Variants in ZNF441 observed in about 807,000 individuals in gnomAD.
The protein encoded by ZNF441 is zinc finger protein 441.
In ZNF441, 25 loss-of-function variants were observed where a neutral mutation model predicts 64.5. That is an observed-to-expected ratio of 0.39 (90% CI 0.28 to 0.54). The LOEUF (loss-of-function observed/expected upper bound fraction) is 0.54. Ranked by LOEUF, ZNF441 falls within the 20% of genes least tolerant of loss-of-function variation. ZNF441 has a pLI of 0.70. For missense variants in ZNF441, 715 were observed against 843.3 expected (o/e 0.85, Z 1.88); for synonymous variants, 262 against 268.0 (o/e 0.98, Z 0.22).
chr19:11,778,290 TATA>T (rs747941724), intron 2 of ZNF441, 37 bp from the exon 3 acceptor site: 8 of 1,312,056 alleles, frequency 6.1e-6, no homozygotes, highest in African/African-American at 4.5e-5. Flanking sequence ...TCTATAATTT[TATA>T]ATAATTTATA....
At chr19:11,777,773 G>T in intron 2 of ZNF441, 36 bp downstream of exon 2, 1 of 1,585,990 alleles carries the variant, frequency 6.3e-7, no homozygotes, top group Non-Finnish European at 8.6e-7. Flanking sequence ...TAGTCAATTA[G>T]AGACATTTGT....
At chr19:11,768,748 C>T (rs865814982) in intron 1 of ZNF441, among the ~76,000 whole-genome samples, 2 of 152,318 alleles carry the variant, frequency 1.3e-5, no homozygotes, top group South Asian at 4.1e-4. Context: ...TAAGCTACTT[C>T]CTTAGAACAC....
At chr19:11,774,747 C>T (rs1975341423) in intron 1 of ZNF441, among the ~76,000 whole-genome samples, 1 of 152,052 alleles carries the variant, frequency 6.6e-6, no homozygotes, top group East Asian at 1.9e-4. Context: ...TTCAATAAGT[C>T]TAATGTCTGA....
At chr19:11,777,543 G>A in intron 1 of ZNF441, 68 bp from the exon 2 acceptor site, 1 of 1,545,660 alleles carries the variant, frequency 6.5e-7, no homozygotes, top group Non-Finnish European at 8.8e-7. Flanking sequence ...TGAAGGTTAT[G>A]AAGTGAATTT....
At chr19:11,774,426 A>G (rs999018520) in intron 1 of ZNF441, among the ~76,000 whole-genome samples, 2 of 152,198 alleles carry the variant, frequency 1.3e-5, no homozygotes, top group Non-Finnish European at 2.9e-5. Flanking sequence ...CTAGCAAGAC[A>G]GTTGTATCAA....
At chr19:11,773,626 A>G (rs2145079604) in intron 1 of ZNF441, among the ~76,000 whole-genome samples, 1 of 152,216 alleles carries the variant, frequency 6.6e-6, no homozygotes, top group South Asian at 2.1e-4. Context: ...ATGTATTTTC[A>G]TGATCTGTGT....
chr19:11,778,711 G>A (rs138056843), intron 3 of ZNF441, among the ~76,000 whole-genome samples: 1 of 152,124 alleles, frequency 6.6e-6, no homozygotes, highest in East Asian at 1.9e-4. Context: ...TCCTGCCTTG[G>A]CCTCTCAAAA....
intron 1 of ZNF441, among the ~76,000 whole-genome samples, chr19:11,771,733 C>A (rs150533654): frequency 6.6e-6 from 1 of 152,292 alleles, no homozygotes; most frequent in South Asian, 2.1e-4. Flanking sequence ...GTGACGCCAG[C>A]GTCTGGGAAG....
At position 11,783,906 on chromosome 19, in the gene ZNF441, A is replaced by T. The variant is rs1392376898; in HGVS notation, c.*2000A>T. The T allele has an allele frequency of 6.6e-6, 1 of 152,206 alleles. No homozygotes were observed. The highest frequency in any genetic ancestry group is 1.5e-5 in the Non-Finnish European group (1 of 68,028). The allele number at this position is 152,206 out of a possible 1,614,324, so 9.4% of individuals were successfully genotyped here. The stretch of plus-strand genomic sequence containing the variant: ...TATTTCAAAGTAGTTGGAAGAGAGG[A>T]CTTGAAATGTTACCAACACATAGAA... On this transcript the variant is annotated 3_prime_UTR_variant, in exon 4 of 4. Transcript: ENST00000357901.
At chr19:11,778,480 A>AC in intron 3 of ZNF441, 87 bp downstream of exon 3, 1 of 1,067,308 alleles carries the variant, frequency 9.4e-7, no homozygotes, top group African/African-American at 1.6e-5. Context: ...TGTTTTAGAG[A>AC]CAGTGTCTCA....
rs1040813886 is a variant in ZNF441, at chr19:11,767,928, C to T, written c.3+732C>T. On this transcript the variant is annotated intron_variant, in intron 1 of 3. Transcript: ENST00000357901. The surrounding 1 kb of genome is among the most constrained non-coding windows in gnomAD (Gnocchi z 5.1). ...CCTGGTTAATATCTAACTGCAATCT[C>T]GCCTCCAGCCTGGCTCGCAGTTCTG... 6.6e-6 allele frequency among the ~76,000 whole-genome samples: 1 copy of T among 152,206 alleles called. No individual in the cohort carries two copies. Among genetic ancestry groups the T allele is most frequent in the African/African-American group, 2.4e-5 (1 of 41,444 alleles).
Position 11,780,388 on chromosome 19 carries a change from A to G in ZNF441, c.564A>G (p.Ala188=), listed in dbSNP as rs1568481716. Residue 188 remains alanine, a synonymous_variant, in exon 4 of 4, where the codon GCA becomes GCG. Coordinates refer to ENST00000357901, the MANE Select transcript of ZNF441 (RefSeq NM_152355.3). ...SSLENLQRHM[A]AHHGDGPRIC... ...TTGAAAACCTTCAAAGACACATGGC[A>G]GCACACCATGGAGATGGACCTCGTA... 6.2e-7 allele frequency: 1 copy of G among 1,614,236 alleles called. No individual in the cohort carries two copies. The highest frequency in any genetic ancestry group is 8.5e-7 in the Non-Finnish European group (1 of 1,180,036).
rs369421948 is a variant in ZNF441, at chr19:11,772,266, G to A, written c.3+5070G>A. ...ACATTTGGGGCCACTACTGGTCTCC[G>A]CACATTGGTGGTAGTGGTCCCCGGG... On this transcript the variant is annotated intron_variant, in intron 1 of 3. Transcript: ENST00000357901. Among the ~76,000 whole-genome samples the A allele has an allele frequency of 1.4e-4, 21 of 152,310 alleles. No individual in the cohort carries two copies. The East Asian group carries it at 2.3e-3, about 17-fold the overall frequency.
intron 1 of ZNF441, among the ~76,000 whole-genome samples, chr19:11,777,155 A>G (rs931827052): frequency 3.3e-5 from 5 of 152,052 alleles, no homozygotes; most frequent in Non-Finnish European, 5.9e-5. Context: ...GTTGCTTATA[A>G]CAGAATACTT....
intron 1 of ZNF441, among the ~76,000 whole-genome samples, chr19:11,774,225 T>G (rs915107008): frequency 2.6e-5 from 4 of 152,188 alleles, no homozygotes; most frequent in African/African-American, 9.6e-5. Flanking sequence ...TCTATTGTAT[T>G]GCCCAATACA....
intron 1 of ZNF441, among the ~76,000 whole-genome samples, chr19:11,776,223 T>C (rs1336603407): frequency 2.0e-5 from 3 of 152,156 alleles, no homozygotes; most frequent in Non-Finnish European, 4.4e-5. Flanking sequence ...GGGATCCACA[T>C]TGGAAATTTG....
At chr19:11,778,566 TC>T (rs1248233835) in intron 3 of ZNF441, among the ~76,000 whole-genome samples, 173 bp downstream of exon 3, 1 of 152,174 alleles carries the variant, frequency 6.6e-6, no homozygotes, top group Non-Finnish European at 1.5e-5. Context: ...TCAATGGTCC[TC>T]CCATTTCAAC....
intron 1 of ZNF441, among the ~76,000 whole-genome samples, chr19:11,768,931 A>G (rs1200375435): frequency 1.3e-5 from 2 of 152,202 alleles, no homozygotes; most frequent in Non-Finnish European, 2.9e-5. Flanking sequence ...AGGTGGTGCA[A>G]GAACCTGAAA....
intron 1 of ZNF441, among the ~76,000 whole-genome samples, chr19:11,776,845 G>A (rs1325233347): frequency 6.7e-6 from 1 of 148,884 alleles, no homozygotes; most frequent in Admixed American, 6.7e-5. Flanking sequence ...TTTCTCTCTT[G>A]TTGCCCAGGC....
Sources: allele counts gnomAD v4.1 joint callset (sites outside exome capture counted in the v4.1 genomes callset), GRCh38; gene constraint gnomAD v4.1.1; non-coding constraint Gnocchi (gnomAD v3.1); transcripts MANE v1.5; gene names NCBI Gene and HGNC (gene_info 2026-07-23, HGNC 2026-07-21).